Variants in DHRSX observed in about 807,000 individuals in gnomAD.
DHRSX encodes polyprenol dehydrogenase.
In DHRSX, 31 loss-of-function variants were observed where a neutral mutation model predicts 34.0. The ratio of observed to expected loss-of-function variants is 0.91; its 90% CI spans 0.69 to 1.23. The LOEUF is 1.23. Among genes scored for constraint, DHRSX ranks in the 50% most tolerant of loss-of-function variants. The pLI, the probability that DHRSX is intolerant of heterozygous loss-of-function variation, is 0.00. For synonymous variants in DHRSX, 201 were observed against 183.8 expected (o/e 1.09, Z -0.76); for missense variants, 414 against 428.1 (o/e 0.97, Z 0.29).
chrX:2,333,661 C>A (rs1381878431), intron 3 of DHRSX, among the ~76,000 whole-genome samples: 1 of 152,104 alleles, frequency 6.6e-6, no homozygotes. Context: ...GATCTGCCCA[C>A]CTCGGCCTCC....
intron 3 of DHRSX, among the ~76,000 whole-genome samples, chrX:2,404,672 T>A (rs1344853511): frequency 6.6e-6 from 1 of 152,224 alleles, no homozygotes; most frequent in Admixed American, 6.5e-5. Flanking sequence ...ATATAATGCA[T>A]GTGTCAATTA....
At chrX:2,299,014 A>G (rs112938345) in intron 3 of DHRSX, among the ~76,000 whole-genome samples, 2 of 131,548 alleles carry the variant, frequency 1.5e-5, no homozygotes, top group Non-Finnish European at 1.6e-5. Context: ...AAAAAAAAAA[A>G]TGGGAAAAAT....
At chrX:2,282,636 AAG>A (rs368495765) in intron 4 of DHRSX, among the ~76,000 whole-genome samples, 23 of 46,842 alleles carry the variant, frequency 4.9e-4, no homozygotes, top group South Asian at 8.8e-4. Flanking sequence ...GAAGAAGGGA[AAG>A]GGAGGGAGAG....
At chrX:2,325,093 A>G (rs1329688456) in intron 3 of DHRSX, among the ~76,000 whole-genome samples, 1 of 151,950 alleles carries the variant, frequency 6.6e-6, no homozygotes, top group Non-Finnish European at 1.5e-5. Flanking sequence ...TTTAACGAAA[A>G]GCAGCCCCAA....
chrX:2,350,993 C>T (rs1337380057), intron 3 of DHRSX, among the ~76,000 whole-genome samples: 1 of 152,126 alleles, frequency 6.6e-6, no homozygotes, highest in Non-Finnish European at 1.5e-5. Context: ...GAAAACCAAA[C>T]ACTGCCTGTT....
chrX:2,298,555 A>G (rs1300792157), intron 3 of DHRSX, among the ~76,000 whole-genome samples: 5 of 138,892 alleles, frequency 3.6e-5, no homozygotes, highest in African/African-American at 1.7e-4. Flanking sequence ...CACACAGCCC[A>G]TCCTCTCACC....
intron 3 of DHRSX, among the ~76,000 whole-genome samples, chrX:2,303,195 A>C (rs1165974970): frequency 6.6e-6 from 1 of 152,242 alleles, no homozygotes; most frequent in African/African-American, 2.4e-5. Context: ...GCTTATAGCC[A>C]CTAGCAACAT....
intron 2 of DHRSX, among the ~76,000 whole-genome samples, chrX:2,411,362 A>C (rs2043625694): frequency 6.6e-6 from 1 of 152,006 alleles, no homozygotes; most frequent in African/African-American, 2.4e-5. Context: ...CAGCCTGGCC[A>C]ACATGAGGAA....
chrX:2,452,003 G>A (rs1315341738), intron 1 of DHRSX, among the ~76,000 whole-genome samples: 1 of 152,088 alleles, frequency 6.6e-6, no homozygotes, highest in African/African-American at 2.4e-5. Context: ...ACACACTGAA[G>A]ACGTTCCCTA....
intron 3 of DHRSX, among the ~76,000 whole-genome samples, chrX:2,321,730 T>A (rs1381782294): frequency 2.6e-5 from 4 of 152,062 alleles, no homozygotes; most frequent in African/African-American, 9.7e-5. Context: ...CCATCTATGG[T>A]CCAGTTAACC....
chrX:2,385,162 G>A (rs1164512255), intron 3 of DHRSX, among the ~76,000 whole-genome samples: 3 of 145,558 alleles, frequency 2.1e-5, no homozygotes, highest in Non-Finnish European at 4.5e-5. Context: ...GTGTGTGTGT[G>A]TATACATACA....
chrX:2,230,394 C>T (rs766220862), intron 6 of DHRSX, among the ~76,000 whole-genome samples: 2 of 152,120 alleles, frequency 1.3e-5, no homozygotes, highest in Non-Finnish European at 2.9e-5. Flanking sequence ...GACACACACA[C>T]AAACCTGCTC....
intron 3 of DHRSX, among the ~76,000 whole-genome samples, chrX:2,397,763 T>C (rs2043430163): frequency 6.6e-6 from 1 of 152,160 alleles, no homozygotes; most frequent in South Asian, 2.1e-4. Context: ...CCAGTCCTCG[T>C]TACGGGCGGG....
intron 2 of DHRSX, among the ~76,000 whole-genome samples, chrX:2,412,737 G>A (rs1339601263): frequency 6.6e-6 from 1 of 152,118 alleles, no homozygotes; most frequent in Non-Finnish European, 1.5e-5. Flanking sequence ...GCTACACCAT[G>A]GAATACCATT....
intron 3 of DHRSX, among the ~76,000 whole-genome samples, chrX:2,357,251 G>GA (rs928242474): frequency 6.0e-5 from 9 of 150,002 alleles, no homozygotes; most frequent in African/African-American, 9.8e-5. Flanking sequence ...TCTCGAAAAA[G>GA]AAAAAAAAAG....
chrX:2,301,379 A>G (rs2042007653), intron 3 of DHRSX, among the ~76,000 whole-genome samples: 1 of 152,094 alleles, frequency 6.6e-6, no homozygotes, highest in African/African-American at 2.4e-5. Flanking sequence ...ATGCCACTGC[A>G]CTCCAGCCTG....
intron 4 of DHRSX, among the ~76,000 whole-genome samples, chrX:2,286,940 G>A (rs1438057300): frequency 6.6e-6 from 1 of 152,228 alleles, no homozygotes; most frequent in Non-Finnish European, 1.5e-5. Context: ...GAGCAGCACA[G>A]GCTGGGGAAT....
At chrX:2,224,623 T>G (rs2015595714) in intron 6 of DHRSX, among the ~76,000 whole-genome samples, 1 of 151,954 alleles carries the variant, frequency 6.6e-6, no homozygotes, top group Non-Finnish European at 1.5e-5. Context: ...CACACACATA[T>G]TCATGTGCGC....
chrX:2,265,597 TGTA>T, intron 5 of DHRSX, among the ~76,000 whole-genome samples: 1 of 120,762 alleles, frequency 8.3e-6, no homozygotes, highest in East Asian at 2.4e-4. Flanking sequence ...AGAGCACCAG[TGTA>T]CAGCAGACGC....
Sources: allele counts gnomAD v4.1 joint callset (sites outside exome capture counted in the v4.1 genomes callset), GRCh38; gene constraint gnomAD v4.1.1; transcripts MANE v1.5; gene names NCBI Gene and HGNC (gene_info 2026-07-23, HGNC 2026-07-21).